The following TNRC18 variants were observed in gnomAD, a reference collection of about 807,000 sequenced individuals.
TNRC18 encodes the protein trinucleotide repeat-containing gene 18 protein.
Under a neutral mutation model 226.7 loss-of-function variants are expected in TNRC18, and 69 were observed. That is an observed-to-expected ratio of 0.30 (90% CI 0.25 to 0.37). The LOEUF is 0.37. Among genes scored for constraint, TNRC18 ranks in the 10% least tolerant of loss-of-function variants. TNRC18 has a pLI of 1.00. For synonymous variants in TNRC18, 2,449 were observed against 1,927.6 expected (o/e 1.27, Z -7.09); for missense variants, 4,754 against 4,256.6 (o/e 1.12, Z -3.25).
chr7:5,413,179 G>A (rs1393273714), intron 2 of TNRC18, among the ~76,000 whole-genome samples: 2 of 152,184 alleles, frequency 1.3e-5, no homozygotes, highest in Non-Finnish European at 2.9e-5. Flanking sequence ...CTGGCTGGAG[G>A]ACAAGGCTAC....
At chr7:5,421,750 G>T (rs971539941) in intron 1 of TNRC18, among the ~76,000 whole-genome samples, 1 of 152,212 alleles carries the variant, frequency 6.6e-6, no homozygotes, top group African/African-American at 2.4e-5. Context: ...CCCCAGCCCG[G>T]ACTCTGCCTC....
chr7:5,416,568 A>T (rs1782201915), intron 2 of TNRC18, among the ~76,000 whole-genome samples: 1 of 151,324 alleles, frequency 6.6e-6, no homozygotes, highest in East Asian at 2.0e-4. Context: ...GAAAATTTTA[A>T]AATTAGGCCA....
chr7:5,406,914 G>A (rs367812409), intron 2 of TNRC18, among the ~76,000 whole-genome samples: 1 of 151,918 alleles, frequency 6.6e-6, no homozygotes, highest in Non-Finnish European at 1.5e-5. Flanking sequence ...AAGTGAAAAA[G>A]GAAAACAGAC....
intron 2 of TNRC18, 46 bp downstream of exon 2, chr7:5,421,014 C>G (rs780744649): frequency 1.3e-6 from 2 of 1,542,996 alleles, no homozygotes; most frequent in Non-Finnish European, 8.8e-7. Flanking sequence ...CCGAGTGGAT[C>G]TCCCTGGGAA....
chr7:5,373,116 C>T (rs1004985561), intron 10 of TNRC18, among the ~76,000 whole-genome samples: 2 of 152,068 alleles, frequency 1.3e-5, no homozygotes, highest in Admixed American at 6.5e-5. Context: ...CAAGATTGCC[C>T]GACTGCACTC....
chr7:5,348,525 G>C (rs1276487352), intron 17 of TNRC18, among the ~76,000 whole-genome samples: 1 of 152,202 alleles, frequency 6.6e-6, no homozygotes, highest in Non-Finnish European at 1.5e-5. Context: ...GGTGGCCCCA[G>C]AGGTGCCAAT....
In TNRC18 at chr7:5,387,743, C is replaced by A; in HGVS notation, c.2081G>T (p.Ser694Ile). 1 of 1,607,404 alleles carries A rather than the reference C, an allele frequency of 6.2e-7. No homozygotes were observed. Among genetic ancestry groups the A allele is most frequent in the Non-Finnish European group, 8.5e-7 (1 of 1,179,820 alleles). Residue 694 changes from serine to isoleucine, a missense_variant, in exon 5 of 30, where the codon AGT (serine) becomes ATT (isoleucine). By Grantham distance (142) the Ser-to-Ile change is moderately radical. Transcript: ENST00000430969. ...IAVAVARQKD[S>I]GGSGRLGPGL... ...AGGCCCCAGCCGGCCACTGCCGCCA[C>A]TGTCCTTCTGCCGGGCCACAGCCAC...
rs1250464164 is a variant in TNRC18, at chr7:5,324,090, T to A, written c.6442+124A>T. The A allele has an allele frequency of 1.8e-6, 2 of 1,109,032 alleles. No homozygotes were observed. The highest frequency in any genetic ancestry group is 3.1e-5 in the African/African-American group (2 of 63,540). 68.7% of individuals were successfully genotyped at this position (1,109,032 alleles called of 1,614,324 possible). ...CCGGATAACTCAGCCTCAGGATCTCTGCTCCTGTGGTTCCCTGCCCCCAGC... is the reference window on the plus strand; with the variant it reads ...CCGGATAACTCAGCCTCAGGATCTCAGCTCCTGTGGTTCCCTGCCCCCAGC... On this transcript the variant is annotated intron_variant, in intron 21 of 29. Coordinates refer to ENST00000430969, the MANE Select transcript of TNRC18 (RefSeq NM_001080495.3). The surrounding 1 kb of genome is among the most constrained non-coding windows in gnomAD (Gnocchi z 4.8).
In TNRC18 at chr7:5,389,128, G is replaced by A. The variant is rs1562600837; in HGVS notation, c.696C>T (p.Ala232=). The change falls in exon 5 of 30, where the codon GCC becomes GCT. Residue 232 remains alanine (A), a synonymous_variant. Transcript: ENST00000430969. ...GGTCCACCACGCCCCGTGGCCCCGA[G>A]GCCTCCTCGCCCCGGGCGCGCGGGT... ...KKDPRARGEE[A]SGPRGVVDLT... is the part of the protein sequence containing the mutation. The A allele has an allele frequency of 9.8e-6, 13 of 1,321,616 alleles. No homozygotes were observed. Among genetic ancestry groups the A allele is most frequent in the Middle Eastern group, 5.5e-4 (2 of 3,630 alleles). The allele number at this position is 1,321,616 out of a possible 1,614,324, so 81.9% of individuals were successfully genotyped here.
chr7:5,388,170 G>A lies in TNRC18; in HGVS notation c.1654C>T (p.Leu552=). 1 of 1,578,914 alleles carries A rather than the reference G, an allele frequency of 6.3e-7. No homozygotes were observed. The highest frequency in any genetic ancestry group is 1.2e-5 in the South Asian group (1 of 86,904). ...VAASSSKKAY[L]DPGAVLPRSA... is the part of the protein sequence containing the mutation. Reference sequence around the variant, plus strand: ...CGGGGCAGCACAGCCCCAGGGTCCAGGTAGGCCTTCTTGGAGGAGGAGGCA... The same window carrying A: ...CGGGGCAGCACAGCCCCAGGGTCCAAGTAGGCCTTCTTGGAGGAGGAGGCA... The change falls in exon 5 of 30, where the codon CTG becomes TTG. Residue 552 remains leucine (L), a synonymous_variant. Transcript: ENST00000430969.
chr7:5,353,981 T>A (rs1792098797), intron 16 of TNRC18, among the ~76,000 whole-genome samples: 1 of 152,016 alleles, frequency 6.6e-6, no homozygotes, highest in Admixed American at 6.6e-5. Context: ...GGCAGGCGGA[T>A]CACCTGAGGT....
chr7:5,332,646 T>G lies in TNRC18; in HGVS notation c.6123A>C (p.Ala2041=). 2 of 1,531,314 alleles carry G rather than the reference T, an allele frequency of 1.3e-6. No individual in the cohort carries two copies. The highest frequency in any genetic ancestry group is 2.4e-5 in the South Asian group (2 of 82,426). The allele number at this position is 1,531,314 out of a possible 1,614,324, so 94.9% of individuals were successfully genotyped here. A position where few individuals can be genotyped will look rare whatever the true frequency, so the allele number is the denominator to read the frequency against. The change falls in exon 19 of 30, where the codon GCA becomes GCC. Residue 2041 remains alanine, a synonymous_variant. Transcript: ENST00000430969. The part of the protein sequence containing the change: ...PLSPRKDAGR[A]KDRKDPRKKK... ...CCTTCCTGGGGTCCTTCCTGTCCTTTGCACGCCCGGCGTCCTTGCGCGGGC... is the reference window on the plus strand; with the variant it reads ...CCTTCCTGGGGTCCTTCCTGTCCTTGGCACGCCCGGCGTCCTTGCGCGGGC...
chr7:5,352,428 G>T (rs75499355), intron 16 of TNRC18, among the ~76,000 whole-genome samples: 1 of 152,158 alleles, frequency 6.6e-6, no homozygotes, highest in African/African-American at 2.4e-5. Flanking sequence ...TGCTCAGGAA[G>T]GTCACGGTGG....
intron 1 of TNRC18, among the ~76,000 whole-genome samples, chr7:5,422,100 C>T (rs1029578772): frequency 1.3e-5 from 2 of 152,236 alleles, no homozygotes; most frequent in East Asian, 1.9e-4. Flanking sequence ...TGGTCCCCCC[C>T]CTTTCTCCCC....
chr7:5,421,833 C>T (rs946340874), intron 1 of TNRC18, among the ~76,000 whole-genome samples: 2 of 152,254 alleles, frequency 1.3e-5, no homozygotes, highest in African/African-American at 4.8e-5. Flanking sequence ...TACAAACCTC[C>T]TATTTTATTC....
intron 18 of TNRC18, among the ~76,000 whole-genome samples, chr7:5,334,003 G>A (rs1386563352): frequency 6.6e-6 from 1 of 152,182 alleles, no homozygotes; most frequent in African/African-American, 2.4e-5. Flanking sequence ...TGAGTGAGGC[G>A]TAGATGGCAC....
At chr7:5,401,330 T>A (rs760559066) in intron 2 of TNRC18, among the ~76,000 whole-genome samples, 1 of 151,738 alleles carries the variant, frequency 6.6e-6, no homozygotes, top group Non-Finnish European at 1.5e-5. Flanking sequence ...TAGTCCAGAG[T>A]AGCTCCGGCC....
Position 5,388,113 on chromosome 7 carries a change from C to A in TNRC18, c.1711G>T (p.Asp571Tyr). ...SAATCGRPVA[D>Y]MHSAAHGSGE... ...GACCCGTGGGCCGCAGAGTGCATGT[C>A]AGCGACCGGCCGGCCGCAGGTGGCC... Residue 571 changes from aspartate (D) to tyrosine (Y), a missense_variant, in exon 5 of 30, where the codon GAC becomes TAC. Physicochemically the swap from Asp to Tyr is radical, Grantham distance 160 (BLOSUM62 -3). Transcript: ENST00000430969. 2 of 1,553,344 alleles carry A rather than the reference C, an allele frequency of 1.3e-6. No homozygotes were observed. The highest frequency in any genetic ancestry group is 8.7e-7 in the Non-Finnish European group (1 of 1,149,286).
chr7:5,385,111 G>A (rs968747590), intron 5 of TNRC18, among the ~76,000 whole-genome samples: 1 of 152,246 alleles, frequency 6.6e-6, no homozygotes, highest in Non-Finnish European at 1.5e-5. Flanking sequence ...TGGCTGTGCA[G>A]GAAGTGGGAA....
Sources: allele counts gnomAD v4.1 joint callset (sites outside exome capture counted in the v4.1 genomes callset), GRCh38; gene constraint gnomAD v4.1.1; non-coding constraint Gnocchi (gnomAD v3.1); transcripts MANE v1.5; gene names NCBI Gene and HGNC (gene_info 2026-07-23, HGNC 2026-07-21).